The following ELFN1 variants were observed in gnomAD, a reference collection of about 807,000 sequenced individuals.
ELFN1 encodes the protein protein ELFN1.
In ELFN1, 6 loss-of-function variants were observed where a neutral mutation model predicts 7.6. The observed-to-expected ratio is 0.79, with a 90% CI of 0.43 to 1.56. The LOEUF (loss-of-function observed/expected upper bound fraction) is 1.56. Among genes scored for constraint, ELFN1 ranks in the 40% most tolerant of loss-of-function variants. The probability of loss-of-function intolerance (pLI) is 0.01; values close to 1 mark genes in which losing one functional copy is unlikely to be tolerated. For synonymous variants in ELFN1, 657 were observed against 588.1 expected, an observed-to-expected ratio of 1.12 and a Z score of -1.70; for missense variants, 1,169 against 1,232.2, an observed-to-expected ratio of 0.95 and a Z score of 0.77.
chr7:1,693,542 T>TA lies in ELFN1; in HGVS notation c.-456+5393dup, dbSNP rs1203805435. 1.5e-5 allele frequency: 7 copies of TA among 471,106 alleles called. No individual in the cohort carries two copies. The Admixed American group carries it at 1.6e-4, about 11-fold the overall frequency. The allele number at this position is 471,106 out of a possible 1,614,324, so 29.2% of individuals were successfully genotyped here. The stretch of plus-strand genomic sequence containing the variant: ...ACCCACTTCCTGGTGCAAGAACACA[T>TA]ACACGCCTGTGGACGTAGCCTTGCT... On this transcript the variant is annotated intron_variant, in intron 2 of 3. Coordinates refer to ENST00000424383, the MANE Select transcript of ELFN1 (RefSeq NM_001128636.4).
At chr7:1,742,520 G>A (rs988885768) in intron 3 of ELFN1, among the ~76,000 whole-genome samples, 24 of 152,330 alleles carry the variant, frequency 1.6e-4, no homozygotes, top group African/African-American at 3.4e-4. Flanking sequence ...AGGTGCACAC[G>A]GCATGATGGT....
rs1257771841 is a variant in ELFN1 at position 1,673,278 on chromosome 7, C to T, written c.-549+2924C>T. Among the ~76,000 whole-genome samples, 2 of 152,070 alleles carry T rather than the reference C, an allele frequency of 1.3e-5. No individual in the cohort carries two copies. Among genetic ancestry groups the T allele is most frequent in the Non-Finnish European group, 2.9e-5 (2 of 68,010 alleles). On this transcript the variant is annotated intron_variant, in intron 1 of 3. Transcript: ENST00000424383. The surrounding 1 kb of genome is among the most constrained non-coding windows in gnomAD (Gnocchi z 4.7). ...GACTGAGGCCCGGATTGGGGTGGGG[C>T]CGGAGAGGGTGGTGGAGGGGTCCTA...
At chr7:1,736,253 T>C (rs558570515) in intron 3 of ELFN1, among the ~76,000 whole-genome samples, 1 of 152,092 alleles carries the variant, frequency 6.6e-6, no homozygotes, top group East Asian at 1.9e-4. Context: ...ATCTATAGCT[T>C]TCCAACCATC....
chr7:1,676,403 G>C (rs978910064), intron 1 of ELFN1, among the ~76,000 whole-genome samples: 3 of 152,256 alleles, frequency 2.0e-5, no homozygotes, highest in Non-Finnish European at 2.9e-5. Flanking sequence ...GGGCTGGGGA[G>C]CCTCTGGTGT....
intron 2 of ELFN1, among the ~76,000 whole-genome samples, chr7:1,702,045 T>G (rs1779437998): frequency 6.6e-6 from 1 of 152,114 alleles, no homozygotes; most frequent in African/African-American, 2.4e-5. Flanking sequence ...ATTTTTCTGT[T>G]TGTTCCATGG....
chr7:1,726,018 G>A (rs898514653), intron 3 of ELFN1, among the ~76,000 whole-genome samples: 2 of 151,626 alleles, frequency 1.3e-5, no homozygotes, highest in Non-Finnish European at 2.9e-5. Flanking sequence ...ACACTCACAC[G>A]CAAATACACA....
intron 3 of ELFN1, among the ~76,000 whole-genome samples, chr7:1,718,406 G>A (rs1473372725): frequency 6.6e-6 from 1 of 152,166 alleles, no homozygotes; most frequent in South Asian, 2.1e-4. Flanking sequence ...CACCCTCAGC[G>A]GGCCTGACTG....
In ELFN1 at chr7:1,692,622, CAG is replaced by C. The variant is rs1253297201; in HGVS notation, c.-456+4473_-456+4474del. Among the ~76,000 whole-genome samples, 3 of 152,258 alleles carry C rather than the reference CAG, an allele frequency of 2.0e-5. No homozygotes were observed. In the East Asian group the frequency reaches 5.8e-4, roughly 29 times the overall value. ...TGTACGCTAGATGCAGAGGCATAAA[CAG>C]GGCATACCCAGGGCCAGCGGCCCAC... On this transcript the variant is annotated intron_variant, in intron 2 of 3. Transcript: ENST00000424383.
intron 3 of ELFN1, among the ~76,000 whole-genome samples, chr7:1,717,131 G>A (rs1240429025): frequency 1.3e-5 from 2 of 152,154 alleles, no homozygotes; most frequent in African/African-American, 4.8e-5. Context: ...AGCCCTGAGC[G>A]ATAGGCATCA....
rs551304534 is a variant in ELFN1 at position 1,686,991 on chromosome 7, A to G, written c.-548-1067A>G. Among the ~76,000 whole-genome samples, 207 of 151,986 alleles carry G rather than the reference A, an allele frequency of 1.4e-3. 1 individual carries two copies. Among genetic ancestry groups the G allele is most frequent in the African/African-American group, 4.8e-3 (200 of 41,436 alleles). On this transcript the variant is annotated intron_variant, in intron 1 of 3. Coordinates refer to ENST00000424383, the MANE Select transcript of ELFN1 (RefSeq NM_001128636.4). ...CCACCGAGATTGCTGCTTCTTACTG[A>G]CAGCACTTCTGCCAGACGAGAGTCT...
At chr7:1,671,729 G>C (rs1778771154) in intron 1 of ELFN1, among the ~76,000 whole-genome samples, 1 of 152,232 alleles carries the variant, frequency 6.6e-6, no homozygotes, top group Non-Finnish European at 1.5e-5. Context: ...TGCCCCCTGG[G>C]TCCCTGCCCC....
chr7:1,704,190 G>T (rs2128585410), intron 2 of ELFN1, among the ~76,000 whole-genome samples: 1 of 152,306 alleles, frequency 6.6e-6, no homozygotes. Flanking sequence ...CCTGCAGCCG[G>T]GCATGGTGGC....
intron 3 of ELFN1, among the ~76,000 whole-genome samples, chr7:1,716,252 C>T (rs147077976): frequency 6.6e-6 from 1 of 152,348 alleles, no homozygotes; most frequent in Non-Finnish European, 1.5e-5. Context: ...GAGCTAATTC[C>T]AGGTTTCCCT....
At chr7:1,688,628 A>T (rs1779101557) in intron 2 of ELFN1, among the ~76,000 whole-genome samples, 1 of 152,172 alleles carries the variant, frequency 6.6e-6, no homozygotes, top group Non-Finnish European at 1.5e-5. Flanking sequence ...TTAAAATTAA[A>T]TTTTCTATTT....
rs10236422 is a variant in ELFN1 at position 1,673,584 on chromosome 7, G to A, written c.-549+3230G>A. Among the ~76,000 whole-genome samples, 8,416 of 152,176 alleles carry A rather than the reference G, an allele frequency of 0.055. 767 individuals are homozygous for A. The highest frequency in any genetic ancestry group is 0.19 in the African/African-American group (8,021 of 41,476). On this transcript the variant is annotated intron_variant, in intron 1 of 3. Coordinates refer to ENST00000424383, the MANE Select transcript of ELFN1 (RefSeq NM_001128636.4). This position sits in a 1 kb window ranked among gnomAD's most constrained non-coding sequence, Gnocchi z 4.7. ...TTCCAGCCTCCTGGGGAGGGAGGGC[G>A]GGAGGTGAGAGACCACCCTGGGAGC...
At chr7:1,690,708 AATGG>A (rs944658356) in intron 2 of ELFN1, among the ~76,000 whole-genome samples, 2 of 137,526 alleles carry the variant, frequency 1.5e-5, no homozygotes, top group Non-Finnish European at 3.2e-5. Context: ...ATGGATGATG[AATGG>A]ATGGATGGAT....
At chr7:1,687,498 A>C (rs936014147) in intron 1 of ELFN1, among the ~76,000 whole-genome samples, 1 of 152,082 alleles carries the variant, frequency 6.6e-6, no homozygotes, top group Non-Finnish European at 1.5e-5. Context: ...CCTCCTGATC[A>C]CTACCCTTCT....
rs1454772822 is a variant in ELFN1, at chr7:1,744,400, G to A, written c.-197G>A. 5.1e-6 allele frequency: 3 copies of A among 590,094 alleles called. No individual in the cohort carries two copies. The highest frequency in any genetic ancestry group is 8.5e-6 in the Non-Finnish European group (3 of 353,974). The allele number at this position is 590,094 out of a possible 1,614,324, so 36.6% of individuals were successfully genotyped here. A position where few individuals can be genotyped will look rare whatever the true frequency, so the allele number is the denominator to read the frequency against. On this transcript the variant is annotated 5_prime_UTR_variant, in exon 4 of 4. Coordinates refer to ENST00000424383, the MANE Select transcript of ELFN1 (RefSeq NM_001128636.4). Reference sequence around the variant, plus strand: ...TCACCACAGGACTGGGGCGGAAGACGAGAGGCGGCCGGCCGTGAGGGAGGC... The same window carrying A: ...TCACCACAGGACTGGGGCGGAAGACAAGAGGCGGCCGGCCGTGAGGGAGGC...
chr7:1,681,729 G>T (rs1173500155), intron 1 of ELFN1, among the ~76,000 whole-genome samples: 1 of 152,184 alleles, frequency 6.6e-6, no homozygotes, highest in Non-Finnish European at 1.5e-5. Context: ...AACACGTGAG[G>T]GTTCCAGCCC....
Sources: gnomAD v4.1 joint callset for allele counts (sites outside exome capture counted in the v4.1 genomes callset) on GRCh38, gnomAD v4.1.1 for gene constraint, Gnocchi (gnomAD v3.1) non-coding constraint, MANE v1.5 for transcripts, NCBI Gene and HGNC (gene_info 2026-07-23, HGNC 2026-07-21) for gene names.